Variants in CLCN5 observed in about 807,000 individuals in gnomAD.
CLCN5 encodes Cl-/H+ antiporter 5.
A neutral mutation model predicts 54.0 loss-of-function variants in CLCN5; 17 were observed. The observed-to-expected ratio is 0.31, with a 90% CI of 0.22 to 0.47. The LOEUF (loss-of-function observed/expected upper bound fraction) is 0.47. CLCN5 is among the 20% of genes least tolerant of loss of function. The probability of loss-of-function intolerance (pLI) is 1.00; values close to 1 mark genes in which losing one functional copy is unlikely to be tolerated. For synonymous variants in CLCN5, 222 were observed against 233.0 expected, an observed-to-expected ratio of 0.95 and a Z score of 0.43; for missense variants, 448 against 646.7, an observed-to-expected ratio of 0.69 and a Z score of 3.33.
chrX:49,958,567 A>G, intron 3 of CLCN5, among the ~76,000 whole-genome samples: 1 of 111,712 alleles, frequency 9.0e-6, no homozygotes, highest in Non-Finnish European at 1.9e-5. Flanking sequence ...TTTCAGAGCC[A>G]TTTCAGAAAT....
intron 3 of CLCN5, among the ~76,000 whole-genome samples, chrX:49,944,697 G>A (rs782249453): frequency 6.3e-5 from 7 of 111,767 alleles, no homozygotes; most frequent in African/African-American, 2.3e-4. Context: ...TTTATATGCT[G>A]GATTACATTT....
At chrX:50,089,032 T>G (rs1413238821) in intron 12 of CLCN5, 148 bp downstream of exon 12, 7 of 519,628 alleles carry the variant, frequency 1.3e-5, no homozygotes, top group Admixed American at 8.8e-5. Context: ...AGAAAGCATC[T>G]GGTATACAGA....
intron 3 of CLCN5, among the ~76,000 whole-genome samples, chrX:50,015,663 C>T (rs1461625231): frequency 9.1e-6 from 1 of 109,789 alleles, no homozygotes; most frequent in East Asian, 2.9e-4. Flanking sequence ...CCATCCTTAG[C>T]GCCTGAGCCT....
chrX:50,057,194 T>C, intron 4 of CLCN5, among the ~76,000 whole-genome samples: 1 of 109,482 alleles, frequency 9.1e-6, no homozygotes, highest in South Asian at 4.2e-4. Flanking sequence ...GTTCAGGAGT[T>C]TCTAGGGTAG....
chrX:50,009,760 CT>C (rs782396718), intron 3 of CLCN5: 3 of 384,986 alleles, frequency 7.8e-6, no homozygotes, highest in African/African-American at 7.7e-5. Context: ...GGTGAGAGTG[CT>C]TTCTGAATGC....
At chrX:49,938,649 T>G (rs1454841869) in intron 3 of CLCN5, among the ~76,000 whole-genome samples, 2 of 112,015 alleles carry the variant, frequency 1.8e-5, no homozygotes, top group African/African-American at 6.5e-5. Context: ...CAAGATGGAT[T>G]AAAGACTTAC....
intron 3 of CLCN5, among the ~76,000 whole-genome samples, chrX:49,986,460 C>T (rs893880842): frequency 2.2e-4 from 25 of 111,753 alleles, no homozygotes; most frequent in African/African-American, 7.8e-4. Context: ...GTTTTAAAAA[C>T]GCCTACATGA....
intron 4 of CLCN5, among the ~76,000 whole-genome samples, chrX:50,046,894 A>G (rs1932413195): frequency 9.0e-6 from 1 of 111,200 alleles, no homozygotes; most frequent in Non-Finnish European, 1.9e-5. Context: ...TGATAGGACC[A>G]ATTAGATATG....
chrX:50,031,793 T>C (rs1215882788), intron 3 of CLCN5, among the ~76,000 whole-genome samples: 1 of 108,480 alleles, frequency 9.2e-6, no homozygotes, highest in Non-Finnish European at 1.9e-5. Context: ...TATGTATACA[T>C]GTGCCATGCT....
At chrX:50,035,058 C>T (rs781839152) in intron 3 of CLCN5, among the ~76,000 whole-genome samples, 3 of 111,244 alleles carry the variant, frequency 2.7e-5, no homozygotes, top group South Asian at 3.9e-4. Context: ...TAGCCAAGCA[C>T]GAATGCCACC....
rs1416049651 is a variant in CLCN5 at position 50,062,897 on chromosome X, C to G, written c.164-6982C>G. ...CTACATGGAAACTGAACAACCTGCT[C>G]CTGAATGACTACTGGGTAAATAACG... On this transcript the variant is annotated intron_variant, in intron 4 of 14. Transcript: ENST00000376091. Among the ~76,000 whole-genome samples, 16 of 107,522 alleles carry G rather than the reference C, an allele frequency of 1.5e-4. 1 individual carries two copies. The highest frequency in any genetic ancestry group is 1.5e-3 in the Admixed American group (15 of 10,087). The allele number at this position is 107,522 out of a possible 115,157, so 93.4% of individuals were successfully genotyped here.
At chrX:50,018,724 T>G (rs782567019) in intron 3 of CLCN5, among the ~76,000 whole-genome samples, 1 of 112,560 alleles carries the variant, frequency 8.9e-6, no homozygotes, top group Admixed American at 9.4e-5. Context: ...GTGATTTTTC[T>G]TCTTAAGCCT....
intron 4 of CLCN5, among the ~76,000 whole-genome samples, chrX:50,057,967 G>A (rs1932792318): frequency 9.0e-6 from 1 of 111,078 alleles, no homozygotes. Flanking sequence ...ATGGAAGTAA[G>A]AAGTGGCATA....
In CLCN5 at chrX:50,077,812, C is replaced by CAAAAAAAAAA. The variant is rs35768604; in HGVS notation, c.603+1858_603+1867dup. Among the ~76,000 whole-genome samples, 4 of 22,339 alleles carry CAAAAAAAAAA rather than the reference C, an allele frequency of 1.8e-4. 1 individual carries two copies. Among genetic ancestry groups the CAAAAAAAAAA allele is most frequent in the African/African-American group, 4.9e-4 (2 of 4,061 alleles). 19.4% of individuals were successfully genotyped at this position (22,339 alleles called of 115,157 possible). A position where few individuals can be genotyped will look rare whatever the true frequency, so the allele number is the denominator to read the frequency against. On this transcript the variant is annotated intron_variant, in intron 7 of 14. Transcript: ENST00000376091. ...CCAACATGGTGAAACCCTGTCTCTA[C>CAAAAAAAAAA]AAAAAAAAAAAAAAAAAAAAAAAAA... is the stretch of plus-strand genomic sequence containing the variant.
intron 3 of CLCN5, among the ~76,000 whole-genome samples, chrX:49,954,350 AT>A (rs201491456): frequency 2.4e-3 from 244 of 103,690 alleles, no homozygotes; most frequent in East Asian, 6.0e-3. Flanking sequence ...AGATTTTAAG[AT>A]TTTTTTTTTT....
chrX:50,049,291 A>G (rs61030291), intron 4 of CLCN5, among the ~76,000 whole-genome samples: 12,540 of 111,804 alleles, frequency 0.11, 1,715 homozygotes, highest in African/African-American at 0.39. Flanking sequence ...ATTCAGTAGA[A>G]TAACATGCTG....
intron 3 of CLCN5, among the ~76,000 whole-genome samples, chrX:50,002,818 C>T (rs909063910): frequency 8.2e-5 from 9 of 110,134 alleles, no homozygotes; most frequent in Non-Finnish European, 1.5e-4. Context: ...AGCTTTCTTA[C>T]CATCTGTTCT....
At chrX:50,075,651 C>T in intron 6 of CLCN5, 144 bp from the exon 7 acceptor site, 1 of 538,610 alleles carries the variant, frequency 1.9e-6, no homozygotes. Context: ...AAAGAGGTTA[C>T]AGGTGGAATG....
intron 3 of CLCN5, chrX:50,009,895 C>T: frequency 3.0e-6 from 1 of 335,437 alleles, no homozygotes; most frequent in Non-Finnish European, 6.0e-6. Context: ...TTCATTCTTT[C>T]CTTCCACAAA....
Sources: allele counts gnomAD v4.1 joint callset (sites outside exome capture counted in the v4.1 genomes callset), GRCh38; gene constraint gnomAD v4.1.1; transcripts MANE v1.5; gene names NCBI Gene and HGNC (gene_info 2026-07-23, HGNC 2026-07-21).